WDR27: variants seen among roughly 807,000 people sequenced by gnomAD.
The protein encoded by WDR27 is WD repeat domain 27, also known as WD repeat-containing protein 27.
WDR27 carries 100 observed loss-of-function variants against 114.4 expected under a neutral mutation model. The ratio of observed to expected loss-of-function variants is 0.87; its 90% CI spans 0.74 to 1.03. The LOEUF is 1.03. Among genes scored for constraint, WDR27 ranks in the 50% least tolerant of loss-of-function variants. The probability of loss-of-function intolerance (pLI) is 0.00; values close to 1 mark genes in which losing one functional copy is unlikely to be tolerated. For synonymous variants in WDR27, 449 were observed against 423.1 expected (o/e 1.06, Z -0.75); for missense variants, 1,129 against 1,092.9 (o/e 1.03, Z -0.47).
chr6:169,619,364 T>C (rs1349467565), intron 21 of WDR27, among the ~76,000 whole-genome samples: 4 of 152,314 alleles, frequency 2.6e-5, no homozygotes, highest in Non-Finnish European at 2.9e-5. Context: ...AAATATCCTA[T>C]GCGCCTCTTG....
chr6:169,599,679 C>A (rs1489648845), intron 23 of WDR27, among the ~76,000 whole-genome samples: 2 of 152,152 alleles, frequency 1.3e-5, no homozygotes, highest in African/African-American at 4.8e-5. Flanking sequence ...TGCTAGCGGT[C>A]TATCAATTTT....
intron 23 of WDR27, among the ~76,000 whole-genome samples, chr6:169,587,759 GA>G: frequency 6.6e-6 from 1 of 152,362 alleles, no homozygotes; most frequent in Non-Finnish European, 1.5e-5. Flanking sequence ...TTTGCAATGA[GA>G]TTAAAAAGGA....
chr6:169,542,403 A>T (rs1251481213), intron 25 of WDR27, among the ~76,000 whole-genome samples: 2 of 152,174 alleles, frequency 1.3e-5, no homozygotes, highest in Non-Finnish European at 2.9e-5. Flanking sequence ...ATATCTAATT[A>T]TAAGAAAATA....
intron 1 of WDR27, among the ~76,000 whole-genome samples, chr6:169,699,255 G>A (rs1166947279): frequency 2.6e-5 from 4 of 152,178 alleles, no homozygotes; most frequent in African/African-American, 7.2e-5. Context: ...AAACCTGAGT[G>A]CCCTGAGAGG....
In WDR27 at chr6:169,695,399, G is replaced by A. The variant is rs115662159; in HGVS notation, c.-8+6152C>T. On this transcript the variant is annotated intron_variant, in intron 1 of 25. Coordinates refer to ENST00000448612, the MANE Select transcript of WDR27 (RefSeq NM_182552.5). ...GAAGCATAGATTCCGTTTTGGATAC[G>A]TTATGTCAAATGCTGAAACATCAAC... Among the ~76,000 whole-genome samples, 976 of 152,282 alleles carry A rather than the reference G, an allele frequency of 6.4e-3. 6 individuals are homozygous for A. The highest frequency in any genetic ancestry group is 0.022 in the African/African-American group (921 of 41,564).
chr6:169,431,267 C>A, the WDR27 span, among the ~76,000 whole-genome samples: 3 of 152,154 alleles, frequency 2.0e-5, no homozygotes, highest in African/African-American at 7.2e-5. Flanking sequence ...TCCTAAATTG[C>A]AATTCTGATT....
chr6:169,498,838 C>T (rs1330519707), intron 25 of WDR27, among the ~76,000 whole-genome samples: 2 of 152,088 alleles, frequency 1.3e-5, no homozygotes, highest in South Asian at 2.1e-4. Flanking sequence ...GGGGAGCGTG[C>T]GTGGTTTAAA....
chr6:169,620,611 C>G (rs950736095), intron 21 of WDR27, among the ~76,000 whole-genome samples: 21 of 152,184 alleles, frequency 1.4e-4, no homozygotes, highest in African/African-American at 5.1e-4. Flanking sequence ...CTGACTGAAC[C>G]AAAGTACATG....
intron 17 of WDR27, among the ~76,000 whole-genome samples, chr6:169,640,602 C>T (rs75600905): frequency 6.6e-6 from 1 of 152,222 alleles, no homozygotes; most frequent in South Asian, 2.1e-4. Context: ...CCGCTTGTAC[C>T]GAACACCAGC....
chr6:169,542,530 A>T lies in WDR27; in HGVS notation c.2645+29889T>A, dbSNP rs147089039. ...TATTCCAAGAGACTAAGACAAAATAACTAAATGAAATGCATCATCCTGAAG... is the reference window on the plus strand; with the variant it reads ...TATTCCAAGAGACTAAGACAAAATATCTAAATGAAATGCATCATCCTGAAG... On this transcript the variant is annotated intron_variant, in intron 25 of 25. Transcript: ENST00000448612. 5.2e-3 allele frequency among the ~76,000 whole-genome samples: 787 copies of T among 152,298 alleles called. 7 individuals are homozygous for T. The highest frequency in any genetic ancestry group is 0.018 in the African/African-American group (753 of 41,578).
chr6:169,565,859 A>T (rs183991492), intron 25 of WDR27, among the ~76,000 whole-genome samples: 47 of 152,296 alleles, frequency 3.1e-4, no homozygotes, highest in African/African-American at 9.9e-4. Context: ...GATGTTGCCC[A>T]GACTGCTCTC....
At chr6:169,634,341 A>C (rs1817155987) in intron 20 of WDR27, 87 bp downstream of exon 20, 1 of 938,084 alleles carries the variant, frequency 1.1e-6, no homozygotes, top group African/African-American at 1.7e-5. Context: ...ACAATGCCTG[A>C]CACTCACGAG....
In WDR27 at chr6:169,636,393, T is replaced by G; in HGVS notation, c.1981A>C (p.Thr661Pro). Reference sequence around the variant, plus strand: ...TACCTCTTAATCTCATCTTTGCAAGTGTCAATGTGATACCTCAGTAGCTGA... The same window carrying G: ...TACCTCTTAATCTCATCTTTGCAAGGGTCAATGTGATACCTCAGTAGCTGA... ...EFQLLRYHID[T>P]CKDEIKRYKQ... The change falls in exon 19 of 26, where the codon ACT becomes CCT. Residue 661 changes from threonine to proline, a missense_variant. Transcript: ENST00000448612. The G allele has an allele frequency of 1.2e-6, 2 of 1,613,882 alleles. No individual in the cohort carries two copies. Among genetic ancestry groups the G allele is most frequent in the South Asian group, 1.1e-5 (1 of 91,070 alleles).
At chr6:169,657,918 G>A (rs1366487808) in intron 13 of WDR27, 2 of 203,704 alleles carry the variant, frequency 9.8e-6, no homozygotes, top group Non-Finnish European at 2.1e-5. Flanking sequence ...CTCGGGATCT[G>A]CTTTCAAATT....
chr6:169,565,268 T>TG (rs1354704849), intron 25 of WDR27, among the ~76,000 whole-genome samples: 2 of 152,178 alleles, frequency 1.3e-5, no homozygotes, highest in African/African-American at 2.4e-5. Flanking sequence ...GCCTAATTTT[T>TG]GGGGGGCAAA....
chr6:169,647,605 C>T (rs1000772663), intron 16 of WDR27, 168 bp downstream of exon 16: 20 of 715,624 alleles, frequency 2.8e-5, no homozygotes, highest in Middle Eastern at 7.5e-4. Flanking sequence ...TCGAGTGAAA[C>T]GCAGTCTCGG....
intron 17 of WDR27, among the ~76,000 whole-genome samples, chr6:169,642,302 T>TCC (rs59470895): frequency 0.079 from 11,894 of 150,770 alleles, 1,486 homozygotes; most frequent in East Asian, 0.58. Context: ...ATGTGGCCCT[T>TCC]CCCCCCCGCC....
At chr6:169,649,953 C>A (rs1172433918) in intron 14 of WDR27, among the ~76,000 whole-genome samples, 5 of 149,034 alleles carry the variant, frequency 3.4e-5, no homozygotes, top group Non-Finnish European at 7.4e-5. Flanking sequence ...ATCCCTCCAT[C>A]CCCCACCATC....
intron 13 of WDR27, among the ~76,000 whole-genome samples, chr6:169,655,828 T>A (rs920841835): frequency 1.3e-5 from 2 of 152,194 alleles, no homozygotes; most frequent in African/African-American, 4.8e-5. Context: ...CAAGCGATTC[T>A]CCTGCCTCAG....
Sources: allele counts gnomAD v4.1 joint callset (sites outside exome capture counted in the v4.1 genomes callset), GRCh38; gene constraint gnomAD v4.1.1; transcripts MANE v1.5; gene names NCBI Gene and HGNC (gene_info 2026-07-23, HGNC 2026-07-21).